The following C3orf52 variants were observed in gnomAD, a reference collection of about 807,000 sequenced individuals.
C3orf52 encodes the protein chromosome 3 open reading frame 52.
A neutral mutation model predicts 24.8 loss-of-function variants in C3orf52; 22 were observed. The observed-to-expected ratio is 0.89, with a 90% CI of 0.63 to 1.27. The LOEUF (loss-of-function observed/expected upper bound fraction) is 1.27. Ranked by LOEUF, C3orf52 falls within the 50% of genes most tolerant of loss-of-function variation. C3orf52 has a pLI of 0.00. For synonymous variants in C3orf52, 93 were observed against 100.2 expected, an observed-to-expected ratio of 0.93 and a Z score of 0.43; for missense variants, 265 against 260.7, an observed-to-expected ratio of 1.02 and a Z score of -0.11.
At chr3:112,126,492 A>T (rs558241254) in intron 4 of C3orf52, among the ~76,000 whole-genome samples, 1 of 152,290 alleles carries the variant, frequency 6.6e-6, no homozygotes, top group South Asian at 2.1e-4. Context: ...TTCTTCTGGT[A>T]TCTGCTCTTC....
At chr3:112,103,075 T>A in intron 3 of C3orf52, 110 bp downstream of exon 3, 1 of 957,808 alleles carries the variant, frequency 1.0e-6, no homozygotes, top group Non-Finnish European at 1.6e-6. Context: ...TTGGATTCTT[T>A]GTCTGGATTT....
At chr3:112,105,037 A>AT in intron 3 of C3orf52, among the ~76,000 whole-genome samples, 1 of 152,194 alleles carries the variant, frequency 6.6e-6, no homozygotes, top group Non-Finnish European at 1.5e-5. Flanking sequence ...ATGAATGTTC[A>AT]TTTTTCATTT....
At chr3:112,121,510 G>A (rs1182114669), downstream of C3orf52, 1 of 152,226 alleles carries the variant, frequency 6.6e-6, no homozygotes, top group African/African-American at 2.4e-5. Flanking sequence ...GTCACAGATG[G>A]AGGAAGAGAG....
Position 112,086,429 on chromosome 3 carries a change from C to T in C3orf52, c.22C>T (p.Gln8Ter). 1 of 1,550,792 alleles carries T rather than the reference C, an allele frequency of 6.4e-7. No homozygotes were observed. The highest frequency in any genetic ancestry group is 2.0e-5 in the Admixed American group (1 of 50,916). Reference sequence around the variant, plus strand: ...GCACATGGACCTGGCCCAACCCTCACAGCCAGTAGACGAGCTGGAGCTCTC... The same window carrying T: ...GCACATGGACCTGGCCCAACCCTCATAGCCAGTAGACGAGCTGGAGCTCTC... MDLAQPS[Q>*]PVDELELSVL... The change falls in exon 1 of 6, where the codon CAG becomes TAG. Residue 8 changes from glutamine to a stop codon, truncating the protein, a stop_gained. Coordinates refer to ENST00000264848, the MANE Select transcript of C3orf52 (RefSeq NM_024616.3). LOFTEE classifies it high-confidence loss of function.
rs760580736 is a variant in C3orf52, at chr3:112,116,661, G to C, written c.*15G>C. 14 of 1,592,532 alleles carry C rather than the reference G, an allele frequency of 8.8e-6. No homozygotes were observed. The highest frequency in any genetic ancestry group is 2.7e-5 in the African/African-American group (2 of 74,600). Reference sequence around the variant, plus strand: ...TTTTAGAATGAAGTGATGGAGGCTGGTCTCTGTCTGAAAGCAGTGCTCTAC... The same window carrying C: ...TTTTAGAATGAAGTGATGGAGGCTGCTCTCTGTCTGAAAGCAGTGCTCTAC... On this transcript the variant is annotated 3_prime_UTR_variant, in exon 6 of 6. Coordinates refer to ENST00000264848, the MANE Select transcript of C3orf52 (RefSeq NM_024616.3).
At chr3:112,134,496 G>C (rs896891956), downstream of C3orf52, 2 of 152,150 alleles carry the variant, frequency 1.3e-5, no homozygotes, top group Non-Finnish European at 2.9e-5. Context: ...GAGCATGGTG[G>C]TGGCCAAGTA....
chr3:112,134,745 A>G (rs1378390333), downstream of C3orf52: 1 of 153,260 alleles, frequency 6.5e-6, no homozygotes, highest in African/African-American at 2.4e-5. Flanking sequence ...ATCTTCATTG[A>G]GTGAATTGCT....
downstream of C3orf52, chr3:112,121,121 T>A (rs2074188905): frequency 6.6e-6 from 1 of 152,212 alleles, no homozygotes; most frequent in Non-Finnish European, 1.5e-5. Flanking sequence ...AACATTTATA[T>A]TTAATGTGTC....
chr3:112,115,886 C>T (rs2074129463), intron 5 of C3orf52, among the ~76,000 whole-genome samples: 1 of 151,978 alleles, frequency 6.6e-6, no homozygotes, highest in Non-Finnish European at 1.5e-5. Context: ...GTCCATCATC[C>T]CTCACCCTTC....
downstream of C3orf52, chr3:112,120,924 CTCT>C (rs761181104): frequency 1.3e-5 from 2 of 152,098 alleles, no homozygotes; most frequent in South Asian, 4.1e-4. Context: ...AATTTTTTAA[CTCT>C]TTTTTTGTTC....
chr3:112,103,016 A>G (rs192095), intron 3 of C3orf52, 51 bp downstream of exon 3: 75,200 of 1,570,096 alleles, frequency 0.048, 3,562 homozygotes, highest in African/African-American at 0.24. Flanking sequence ...TAGAATATGA[A>G]TTTTGCTAGA....
At chr3:112,088,525 A>C (rs953600880) in intron 1 of C3orf52, among the ~76,000 whole-genome samples, 2 of 144,380 alleles carry the variant, frequency 1.4e-5, no homozygotes, top group South Asian at 4.6e-4. Context: ...CTGGTTTGTC[A>C]GATTGAAGAT....
chr3:112,134,219 CA>C (rs1414488651), downstream of C3orf52: 1 of 152,322 alleles, frequency 6.6e-6, no homozygotes, highest in Non-Finnish European at 1.5e-5. Context: ...AAATCGTCCA[CA>C]TCCATCAACT....
intron 2 of C3orf52, among the ~76,000 whole-genome samples, chr3:112,095,287 A>C (rs2073915284): frequency 6.6e-6 from 1 of 152,192 alleles, no homozygotes; most frequent in Non-Finnish European, 1.5e-5. Context: ...TATTCATATC[A>C]ATTCCAACAC....
At chr3:112,108,286 TA>T (rs1301751559) in intron 3 of C3orf52, among the ~76,000 whole-genome samples, 1 of 152,130 alleles carries the variant, frequency 6.6e-6, no homozygotes, top group African/African-American at 2.4e-5. Context: ...CAGTACAAAT[TA>T]AAACAATGTG....
Position 112,117,243 on chromosome 3 carries a change from G to A in C3orf52, c.*597G>A. On this transcript the variant is annotated 3_prime_UTR_variant, in exon 6 of 6. Transcript: ENST00000264848. ...CTCTAAGCCAGGCTGTGAAGAAAAG[G>A]AAGGCACTTTAGAAGACCTCAGCAG... 2.1e-6 allele frequency: 1 copy of A among 483,774 alleles called. No homozygotes were observed. Among genetic ancestry groups the A allele is most frequent in the South Asian group, 3.9e-5 (1 of 25,938 alleles). The allele number at this position is 483,774 out of a possible 1,614,324, so 30.0% of individuals were successfully genotyped here. A position where few individuals can be genotyped will look rare whatever the true frequency, so the allele number is the denominator to read the frequency against.
intron 4 of C3orf52, chr3:112,125,134 GAAGGGATCTCAGAGGCCA>G: frequency 2.4e-6 from 2 of 847,004 alleles, no homozygotes; most frequent in South Asian, 2.7e-5. Context: ...GTAAGGGTCA[GAAGGGATCTCAGAGGCCA>G]ACTTCTCCTG....
intron 2 of C3orf52, among the ~76,000 whole-genome samples, chr3:112,102,019 G>T (rs1274343605): frequency 6.6e-6 from 1 of 152,184 alleles, no homozygotes; most frequent in Non-Finnish European, 1.5e-5. Flanking sequence ...ATTGTCCCAG[G>T]AATGTAATTC....
downstream of C3orf52, among the ~76,000 whole-genome samples, chr3:112,120,688 C>T (rs2074179539): frequency 6.6e-6 from 1 of 152,162 alleles, no homozygotes; most frequent in East Asian, 1.9e-4. Flanking sequence ...GACTCTTTCA[C>T]TGAGGGGTTG....
Sources: gnomAD v4.1 joint callset for allele counts (sites outside exome capture counted in the v4.1 genomes callset) on GRCh38, gnomAD v4.1.1 for gene constraint, MANE v1.5 for transcripts, NCBI Gene and HGNC (gene_info 2026-07-23, HGNC 2026-07-21) for gene names.